The following DZIP3 variants were observed in gnomAD, a reference collection of about 807,000 sequenced individuals.
DZIP3 encodes the protein E3 ubiquitin-protein ligase DZIP3.
Under a neutral mutation model 162.0 loss-of-function variants are expected in DZIP3, and 118 were observed. That is an observed-to-expected ratio of 0.73 (90% CI 0.63 to 0.85). The LOEUF (loss-of-function observed/expected upper bound fraction) is 0.85. DZIP3 is among the 40% of genes least tolerant of loss of function. DZIP3 has a pLI of 0.00. For synonymous variants in DZIP3, 438 were observed against 458.6 expected (o/e 0.96, Z 0.57); for missense variants, 1,331 against 1,407.0 (o/e 0.95, Z 0.86).
intron 21 of DZIP3, 137 bp from the exon 22 acceptor site, chr3:108,669,544 A>G (rs1016898847): frequency 3.1e-6 from 2 of 647,016 alleles, no homozygotes; most frequent in Non-Finnish European, 5.3e-6. Flanking sequence ...ATAGGAGTTC[A>G]GTTGTATTCA....
chr3:108,603,514 A>G (rs1940150316), intron 1 of DZIP3, among the ~76,000 whole-genome samples: 1 of 152,250 alleles, frequency 6.6e-6, no homozygotes. Context: ...TGAAATGAGT[A>G]AAACTATAGA....
chr3:108,616,896 A>G (rs78090801), intron 5 of DZIP3, among the ~76,000 whole-genome samples: 2,117 of 152,246 alleles, frequency 0.014, 67 homozygotes, highest in African/African-American at 0.048. Flanking sequence ...TAATAAGCCT[A>G]TTCTAGTCTC....
intron 27 of DZIP3, 97 bp downstream of exon 27, chr3:108,684,438 A>T (rs906327244): frequency 1.9e-5 from 26 of 1,396,798 alleles, no homozygotes; most frequent in Non-Finnish European, 2.5e-5. Flanking sequence ...TTCATTTGAT[A>T]TGATAATGAT....
chr3:108,662,844 C>T (rs1402008228), intron 21 of DZIP3, among the ~76,000 whole-genome samples: 1 of 152,146 alleles, frequency 6.6e-6, no homozygotes. Context: ...TCACTGCTTC[C>T]AACCTGTATT....
intron 32 of DZIP3, 136 bp downstream of exon 32, chr3:108,691,039 C>T (rs1559791087): frequency 9.2e-6 from 6 of 651,466 alleles, no homozygotes; most frequent in Non-Finnish European, 1.5e-5. Flanking sequence ...CCAAAGAAGT[C>T]AGGACAAATC....
intron 4 of DZIP3, among the ~76,000 whole-genome samples, chr3:108,614,277 A>G (rs1001380940): frequency 9.9e-5 from 15 of 152,238 alleles, no homozygotes; most frequent in Non-Finnish European, 1.5e-4. Flanking sequence ...AATGAACATG[A>G]AAACATAAAT....
At chr3:108,673,981 G>A in intron 23 of DZIP3, 97 bp from the exon 24 acceptor site, 1 of 974,324 alleles carries the variant, frequency 1.0e-6, no homozygotes, top group Non-Finnish European at 1.6e-6. Context: ...GGAAGAAATT[G>A]AGAAATAGCT....
rs771700315 is a variant in DZIP3 at position 108,646,616 on chromosome 3, G to A, written c.1760-1G>A. 1 of 1,577,590 alleles carries A rather than the reference G, an allele frequency of 6.3e-7. No individual in the cohort carries two copies. Among genetic ancestry groups the A allele is most frequent in the Non-Finnish European group, 8.6e-7 (1 of 1,160,376 alleles). On this transcript the variant is annotated splice_acceptor_variant, in intron 14 of 32. Coordinates refer to ENST00000361582, the MANE Select transcript of DZIP3 (RefSeq NM_014648.4). LOFTEE classifies it high-confidence loss of function. The stretch of plus-strand genomic sequence containing the variant: ...CTAAAATTTTTCTTTATGTATTATA[G>A]GAATTGCTCTACAGTCAATAACAGG...
At chr3:108,679,785 A>C (rs1211095575) in intron 26 of DZIP3, among the ~76,000 whole-genome samples, 1 of 152,070 alleles carries the variant, frequency 6.6e-6, no homozygotes, top group Non-Finnish European at 1.5e-5. Flanking sequence ...CTGATCACTC[A>C]AGTCCCATCT....
At chr3:108,625,375 C>T (rs1187230125) in intron 6 of DZIP3, among the ~76,000 whole-genome samples, 1 of 152,146 alleles carries the variant, frequency 6.6e-6, no homozygotes, top group African/African-American at 2.4e-5. Context: ...TGTGCTCTAA[C>T]AGTTATCAGA....
rs776188376 is a variant in DZIP3, at chr3:108,646,614, T to C, written c.1760-3T>C. ...ATCTAAAATTTTTCTTTATGTATTA[T>C]AGGAATTGCTCTACAGTCAATAACA... On this transcript the variant is annotated splice_polypyrimidine_tract_variant and splice_region_variant and intron_variant, in intron 14 of 32. Transcript: ENST00000361582. 10 of 1,577,664 alleles carry C rather than the reference T, an allele frequency of 6.3e-6. No individual in the cohort carries two copies. The East Asian group carries it at 1.6e-4, about 25-fold the overall frequency.
At chr3:108,669,833 T>C in intron 22 of DZIP3, 84 bp downstream of exon 22, 1 of 1,121,784 alleles carries the variant, frequency 8.9e-7, no homozygotes, top group Non-Finnish European at 1.3e-6. Flanking sequence ...ATTGATGTAA[T>C]TTATCATTCA....
intron 12 of DZIP3, 67 bp downstream of exon 12, chr3:108,637,615 T>G: frequency 7.4e-7 from 1 of 1,355,660 alleles, no homozygotes; most frequent in Non-Finnish European, 1.0e-6. Flanking sequence ...GTTGCTTAAT[T>G]CTTCTGTGTT....
At chr3:108,616,478 T>C in intron 4 of DZIP3, 63 bp from the exon 5 acceptor site, 4 of 1,071,830 alleles carry the variant, frequency 3.7e-6, no homozygotes, top group Non-Finnish European at 5.5e-6. Context: ...ATTTGTATAA[T>C]GTAAACATAT....
chr3:108,622,880 C>CTCTGTGTGTG lies in DZIP3; in HGVS notation c.376-1563_376-1562insCTGTGTGTGT, dbSNP rs796232998. 9.0e-3 allele frequency among the ~76,000 whole-genome samples: 479 copies of CTCTGTGTGTG among 53,102 alleles called. 4 individuals are homozygous for CTCTGTGTGTG. The highest frequency in any genetic ancestry group is 0.013 in the Non-Finnish European group (374 of 28,114). The allele number at this position is 53,102 out of a possible 152,430, so 34.8% of individuals were successfully genotyped here. A position where few individuals can be genotyped will look rare whatever the true frequency, so the allele number is the denominator to read the frequency against. On this transcript the variant is annotated intron_variant, in intron 5 of 32. Transcript: ENST00000361582. ...TCTCTCTCTCTCTCTCTCTCTCTCTCTGTGTGTGTGTGTGTGTATGGAGCT... is the reference window on the plus strand; with the variant it reads ...TCTCTCTCTCTCTCTCTCTCTCTCTCTCTGTGTGTGTGTGTGTGTGTGTGTGTATGGAGCT...
chr3:108,661,057 C>T (rs1448402839), intron 19 of DZIP3, among the ~76,000 whole-genome samples: 1 of 152,194 alleles, frequency 6.6e-6, no homozygotes, highest in East Asian at 1.9e-4. Flanking sequence ...CTAGGTCAAC[C>T]ATTGTGGAAG....
At chr3:108,616,465 A>G in intron 4 of DZIP3, 76 bp from the exon 5 acceptor site, 2 of 997,970 alleles carry the variant, frequency 2.0e-6, no homozygotes, top group East Asian at 5.4e-5. Context: ...ATGAGCATGA[A>G]TTATTTGTAT....
rs753081530 is a variant in DZIP3, at chr3:108,648,043, A to G, written c.1893A>G (p.Ala631=). The change falls in exon 16 of 33, where the codon GCA becomes GCG. Residue 631 remains alanine, a synonymous_variant. Coordinates refer to ENST00000361582, the MANE Select transcript of DZIP3 (RefSeq NM_014648.4). ...NVKSHPEIQF[A]EINKDGTSIP... is the part of the protein sequence containing the mutation. The stretch of plus-strand genomic sequence containing the variant: ...AATCACACCCTGAGATACAGTTTGC[A>G]GAAATTAATAAAGATGGGACCTCAA... 1.2e-6 allele frequency: 2 copies of G among 1,612,490 alleles called. No individual in the cohort carries two copies. The highest frequency in any genetic ancestry group is 1.7e-6 in the Non-Finnish European group (2 of 1,179,262).
At chr3:108,649,531 A>C (rs1351138114) in intron 17 of DZIP3, among the ~76,000 whole-genome samples, 1 of 151,788 alleles carries the variant, frequency 6.6e-6, no homozygotes, top group South Asian at 2.1e-4. Flanking sequence ...GGAAAGCCAC[A>C]TGTCTTTTTT....
Sources: gnomAD v4.1 joint callset for allele counts (sites outside exome capture counted in the v4.1 genomes callset) on GRCh38, gnomAD v4.1.1 for gene constraint, MANE v1.5 for transcripts, NCBI Gene and HGNC (gene_info 2026-07-23, HGNC 2026-07-21) for gene names.